The following RAB27A variants were observed in gnomAD, a reference collection of about 807,000 sequenced individuals.
RAB27A encodes the protein RAB27A, member RAS oncogene family.
A neutral mutation model predicts 20.8 loss-of-function variants in RAB27A; 17 were observed. The observed-to-expected ratio is 0.82, with a 90% CI of 0.56 to 1.23. The LOEUF is 1.23. Among genes scored for constraint, RAB27A ranks in the 50% most tolerant of loss-of-function variants. The pLI, the probability that RAB27A is intolerant of heterozygous loss-of-function variation, is 0.00. For synonymous variants in RAB27A, 85 were observed against 92.8 expected (o/e 0.92, Z 0.48); for missense variants, 277 against 266.7 (o/e 1.04, Z -0.27).
At chr15:55,263,863 C>T (rs1897362829) in intron 2 of RAB27A, among the ~76,000 whole-genome samples, 1 of 152,156 alleles carries the variant, frequency 6.6e-6, no homozygotes, top group Non-Finnish European at 1.5e-5. Flanking sequence ...TAACCATGAT[C>T]TAGAAATGAA....
chr15:55,209,810 A>G (rs572455962), intron 6 of RAB27A, among the ~76,000 whole-genome samples: 13 of 124,512 alleles, frequency 1.0e-4, no homozygotes, highest in Middle Eastern at 4.0e-3. Flanking sequence ...ACATATATAC[A>G]CACATGTGTG....
In RAB27A at chr15:55,223,907, G is replaced by T; in HGVS notation, c.449C>A (p.Ala150Glu). The change falls in exon 6 of 7, where the codon GCA becomes GAA. Residue 150 changes from alanine to glutamate, a missense_variant. Coordinates refer to ENST00000336787, the MANE Select transcript of RAB27A (RefSeq NM_183235.3). ...TACTCACCCATATTTCTCTGCGAGT[G>T]CTATGGCTTCCTCCTCTTTCACTAC... ...QRVVKEEEAI[A>E]LAEKYGIPYF... The T allele has an allele frequency of 6.2e-7, 1 of 1,613,724 alleles. No homozygotes were observed. The highest frequency in any genetic ancestry group is 8.5e-7 in the Non-Finnish European group (1 of 1,179,864).
chr15:55,306,437 A>G (rs1480006082), intron 2 of RAB27A, among the ~76,000 whole-genome samples: 1 of 152,170 alleles, frequency 6.6e-6, no homozygotes, highest in Non-Finnish European at 1.5e-5. Context: ...TGAGAGATCT[A>G]GTCCTTTGTA....
chr15:55,251,099 C>T lies in RAB27A; in HGVS notation c.-22-16143G>A, dbSNP rs1342116048. On this transcript the variant is annotated intron_variant, in intron 2 of 6. Transcript: ENST00000336787. ...TTGCCTTTGGCTTTGTCCCTAAACACTTCCTCTCTGCCTAACCACTTCAGT... is the reference window on the plus strand; with the variant it reads ...TTGCCTTTGGCTTTGTCCCTAAACATTTCCTCTCTGCCTAACCACTTCAGT... Among the ~76,000 whole-genome samples, 3 of 152,208 alleles carry T rather than the reference C, an allele frequency of 2.0e-5. No homozygotes were observed. The East Asian group carries it at 5.8e-4, about 29-fold the overall frequency.
chr15:55,210,413 T>C (rs1171953145), intron 6 of RAB27A, among the ~76,000 whole-genome samples: 1 of 77,146 alleles, frequency 1.3e-5, no homozygotes, highest in African/African-American at 1.3e-4. Flanking sequence ...TTAGGTGTGG[T>C]TTTTTTTTTT....
chr15:55,268,677 T>C (rs765299114), intron 2 of RAB27A, among the ~76,000 whole-genome samples: 11 of 152,242 alleles, frequency 7.2e-5, no homozygotes, highest in East Asian at 3.8e-4. Context: ...CCATGTCTTA[T>C]GCATCTTCAC....
At chr15:55,271,599 C>A (rs887391946) in intron 1 of RAB27A, among the ~76,000 whole-genome samples, 4 of 152,200 alleles carry the variant, frequency 2.6e-5, no homozygotes, top group African/African-American at 9.6e-5. Flanking sequence ...AAATGGTCAC[C>A]CCTGTATGCT....
intron 6 of RAB27A, among the ~76,000 whole-genome samples, chr15:55,217,796 T>G (rs921567971): frequency 5.9e-5 from 9 of 151,636 alleles, no homozygotes; most frequent in Non-Finnish European, 1.3e-4. Flanking sequence ...GGAGCCGTAT[T>G]GCCAAAGACG....
chr15:55,228,514 T>A, intron 5 of RAB27A, 95 bp downstream of exon 5: 1 of 994,124 alleles, frequency 1.0e-6, no homozygotes, highest in Non-Finnish European at 1.6e-6. Flanking sequence ...TAAGATCTCC[T>A]CCAAAACGAT....
At chr15:55,249,411 A>C (rs564561085) in intron 2 of RAB27A, among the ~76,000 whole-genome samples, 1 of 152,256 alleles carries the variant, frequency 6.6e-6, no homozygotes, top group South Asian at 2.1e-4. Context: ...AGTAGCTGGG[A>C]TCACAGGTAT....
intron 2 of RAB27A, among the ~76,000 whole-genome samples, chr15:55,245,740 A>G (rs1896660709): frequency 6.6e-6 from 1 of 152,222 alleles, no homozygotes; most frequent in South Asian, 2.1e-4. Context: ...ACCAACTTCT[A>G]GCAGATGGTG....
intron 6 of RAB27A, among the ~76,000 whole-genome samples, chr15:55,212,581 G>C (rs1895079091): frequency 6.9e-6 from 1 of 145,836 alleles, no homozygotes; most frequent in African/African-American, 2.7e-5. Context: ...CCAGCCTGGA[G>C]TGCAGTGGCG....
At chr15:55,207,352 A>T (rs1467545255) in intron 6 of RAB27A, among the ~76,000 whole-genome samples, 1 of 152,226 alleles carries the variant, frequency 6.6e-6, no homozygotes, top group African/African-American at 2.4e-5. Flanking sequence ...ACAGGGATAC[A>T]TGAGACATCA....
At chr15:55,312,786 A>G (rs1447662845) in intron 2 of RAB27A, among the ~76,000 whole-genome samples, 2 of 152,216 alleles carry the variant, frequency 1.3e-5, no homozygotes, top group African/African-American at 4.8e-5. Context: ...AACATTATGT[A>G]TTCCTGTCAC....
At chr15:55,219,516 T>G (rs1401652942) in intron 6 of RAB27A, among the ~76,000 whole-genome samples, 1 of 152,198 alleles carries the variant, frequency 6.6e-6, no homozygotes, top group Non-Finnish European at 1.5e-5. Context: ...AAACTGATCA[T>G]CAGTATACAT....
intron 6 of RAB27A, among the ~76,000 whole-genome samples, chr15:55,213,683 C>A (rs1025134258): frequency 6.6e-6 from 1 of 152,188 alleles, no homozygotes; most frequent in Admixed American, 6.5e-5. Context: ...TTGTGAACTG[C>A]CCATGTGAGG....
At chr15:55,209,860 A>G (rs530428167) in intron 6 of RAB27A, among the ~76,000 whole-genome samples, 381 of 32,288 alleles carry the variant, frequency 0.012, 97 homozygotes, top group African/African-American at 0.029. Context: ...ATGTGTGTAT[A>G]TACATATATA....
chr15:55,203,095 C>A lies in RAB27A; in HGVS notation c.*2412G>T, dbSNP rs1463730899. ...GCACAAAAAATATAGTACTTCAATA[C>A]CAAACTTAAATGATTTCCAAAAAGA... On this transcript the variant is annotated 3_prime_UTR_variant, in exon 7 of 7. Coordinates refer to ENST00000336787, the MANE Select transcript of RAB27A (RefSeq NM_183235.3). The A allele has an allele frequency of 2.0e-5, 3 of 151,948 alleles. No homozygotes were observed. Among genetic ancestry groups the A allele is most frequent in the African/African-American group, 7.3e-5 (3 of 41,362 alleles). 9.4% of individuals were successfully genotyped at this position (151,948 alleles called of 1,614,324 possible).
intron 3 of RAB27A, among the ~76,000 whole-genome samples, chr15:55,231,041 T>C (rs1376061629): frequency 6.6e-6 from 1 of 152,220 alleles, no homozygotes; most frequent in African/African-American, 2.4e-5. Context: ...ATTGTTTAGT[T>C]CCCACTTATA....
Sources: allele counts gnomAD v4.1 joint callset (sites outside exome capture counted in the v4.1 genomes callset), GRCh38; gene constraint gnomAD v4.1.1; transcripts MANE v1.5; gene names NCBI Gene and HGNC (gene_info 2026-07-23, HGNC 2026-07-21).